FRAS1: variants seen among roughly 807,000 people sequenced by gnomAD.
FRAS1 encodes the protein Fraser extracellular matrix complex subunit 1.
Under a neutral mutation model 435.2 loss-of-function variants are expected in FRAS1, and 290 were observed. The observed-to-expected ratio is 0.67, with a 90% CI of 0.61 to 0.73. The LOEUF is 0.73. FRAS1 is among the 30% of genes least tolerant of loss of function. The probability of loss-of-function intolerance (pLI) is 0.00; values close to 1 mark genes in which losing one functional copy is unlikely to be tolerated. For missense variants in FRAS1, 4,860 were observed against 5,001.5 expected, an observed-to-expected ratio of 0.97 and a Z score of 0.85; for synonymous variants, 1,800 against 1,851.0, an observed-to-expected ratio of 0.97 and a Z score of 0.71.
intron 9 of FRAS1, among the ~76,000 whole-genome samples, chr4:78,273,210 TG>T (rs1726805680): frequency 2.0e-5 from 3 of 152,220 alleles, no homozygotes; most frequent in Non-Finnish European, 2.9e-5. Flanking sequence ...AAGGAGATTT[TG>T]GGCTGAGACG....
intron 61 of FRAS1, among the ~76,000 whole-genome samples, chr4:78,506,491 G>T (rs528601974): frequency 6.6e-6 from 1 of 152,202 alleles, no homozygotes; most frequent in Non-Finnish European, 1.5e-5. Flanking sequence ...CTACAGCCTC[G>T]CGGGTTGATC....
At chr4:78,434,637 G>T (rs1734343830) in intron 38 of FRAS1, among the ~76,000 whole-genome samples, 1 of 151,888 alleles carries the variant, frequency 6.6e-6, no homozygotes. Context: ...TGACTATGTA[G>T]AAAATAATCT....
chr4:78,220,550 TAC>T (rs1490338478), intron 2 of FRAS1, among the ~76,000 whole-genome samples: 1 of 152,362 alleles, frequency 6.6e-6, no homozygotes, highest in East Asian at 1.9e-4. Context: ...TGAGTATAGC[TAC>T]AGTCTTGTTC....
At chr4:78,260,991 T>C (rs1490406277) in intron 6 of FRAS1, among the ~76,000 whole-genome samples, 1 of 152,190 alleles carries the variant, frequency 6.6e-6, no homozygotes, top group Non-Finnish European at 1.5e-5. Context: ...ATTAATCATA[T>C]CTGTTCCAAT....
At chr4:78,092,530 G>A (rs558993460) in intron 2 of FRAS1, among the ~76,000 whole-genome samples, 2 of 152,122 alleles carry the variant, frequency 1.3e-5, no homozygotes, top group East Asian at 1.9e-4. Flanking sequence ...TATCACAGAC[G>A]CGAACAGCAT....
intron 2 of FRAS1, among the ~76,000 whole-genome samples, chr4:78,203,350 T>C (rs1723124184): frequency 6.6e-6 from 1 of 152,290 alleles, no homozygotes; most frequent in Non-Finnish European, 1.5e-5. Context: ...CCTCATTATT[T>C]GTGGATTCTG....
At chr4:78,500,701 T>C (rs1720649185) in intron 61 of FRAS1, among the ~76,000 whole-genome samples, 1 of 152,184 alleles carries the variant, frequency 6.6e-6, no homozygotes, top group African/African-American at 2.4e-5. Flanking sequence ...GGGAGGGTCT[T>C]TATTTTCTCT....
chr4:78,136,009 G>A (rs901483759), intron 2 of FRAS1, among the ~76,000 whole-genome samples: 2 of 152,124 alleles, frequency 1.3e-5, no homozygotes, highest in Non-Finnish European at 2.9e-5. Flanking sequence ...TTTGCTTTAA[G>A]ACACCTTACT....
intron 4 of FRAS1, among the ~76,000 whole-genome samples, chr4:78,251,725 C>CT (rs1369909379): frequency 6.6e-6 from 1 of 152,184 alleles, no homozygotes; most frequent in African/African-American, 2.4e-5. Flanking sequence ...GATCAAGAAA[C>CT]TGAGAGTGAA....
chr4:78,363,903 T>C lies in FRAS1; in HGVS notation c.2576-5T>C. 1.2e-6 allele frequency: 2 copies of C among 1,606,644 alleles called. No individual in the cohort carries two copies. Among genetic ancestry groups the C allele is most frequent in the East Asian group, 2.2e-5 (1 of 44,784 alleles). On this transcript the variant is annotated splice_polypyrimidine_tract_variant and splice_region_variant and intron_variant, in intron 21 of 73. Transcript: ENST00000512123. ...GTTTCTGTTGTGTCTCTTTTTCCTC[T>C]GCAGAATGCCACTCCTCCTGCAGAA...
intron 2 of FRAS1, among the ~76,000 whole-genome samples, chr4:78,186,364 C>A (rs1298195885): frequency 2.0e-5 from 3 of 151,978 alleles, no homozygotes; most frequent in Non-Finnish European, 4.4e-5. Flanking sequence ...CTGTTCAAGG[C>A]TTCACATATA....
chr4:78,127,656 C>A (rs1719439865), intron 2 of FRAS1, among the ~76,000 whole-genome samples: 2 of 136,822 alleles, frequency 1.5e-5, no homozygotes, highest in South Asian at 5.0e-4. Flanking sequence ...AACAAACAAA[C>A]AAACAACAAC....
intron 19 of FRAS1, among the ~76,000 whole-genome samples, chr4:78,334,220 C>A (rs1383339695): frequency 1.3e-5 from 2 of 152,046 alleles, no homozygotes; most frequent in Admixed American, 6.6e-5. Flanking sequence ...ACTGATTATG[C>A]CACATCTTAG....
At chr4:78,366,321 C>T (rs1731265946) in intron 22 of FRAS1, among the ~76,000 whole-genome samples, 1 of 152,188 alleles carries the variant, frequency 6.6e-6, no homozygotes, top group Admixed American at 6.5e-5. Context: ...AATCTTGCAC[C>T]AGTGCAGAGA....
chr4:78,142,508 C>T (rs1720235982), intron 2 of FRAS1, among the ~76,000 whole-genome samples: 1 of 151,798 alleles, frequency 6.6e-6, no homozygotes, highest in Admixed American at 6.6e-5. Context: ...CAAAAAGATC[C>T]GTCAGGGTTG....
chr4:78,394,581 C>T (rs1732580396), intron 29 of FRAS1, among the ~76,000 whole-genome samples: 1 of 151,928 alleles, frequency 6.6e-6, no homozygotes, highest in Non-Finnish European at 1.5e-5. Context: ...TGTTCTTATT[C>T]CAGAACTGTA....
intron 9 of FRAS1, among the ~76,000 whole-genome samples, chr4:78,268,054 G>A (rs1302278947): frequency 6.6e-6 from 1 of 152,140 alleles, no homozygotes; most frequent in African/African-American, 2.4e-5. Flanking sequence ...GGAGGGAAAT[G>A]ACTTTTTTTT....
intron 55 of FRAS1, among the ~76,000 whole-genome samples, chr4:78,478,756 G>C (rs1444826144): frequency 6.6e-5 from 10 of 152,196 alleles, no homozygotes; most frequent in Admixed American, 6.5e-4. Context: ...GGGTATTAGT[G>C]TAACAAATAC....
At chr4:78,097,799 C>G (rs1340478806) in intron 2 of FRAS1, among the ~76,000 whole-genome samples, 1 of 152,130 alleles carries the variant, frequency 6.6e-6, no homozygotes, top group African/African-American at 2.4e-5. Flanking sequence ...AAGTCCTAAC[C>G]TTAGTACTTC....
Sources: allele counts gnomAD v4.1 joint callset (sites outside exome capture counted in the v4.1 genomes callset), GRCh38; gene constraint gnomAD v4.1.1; transcripts MANE v1.5; gene names NCBI Gene and HGNC (gene_info 2026-07-23, HGNC 2026-07-21).